GXYLT1: variants seen among roughly 807,000 people sequenced by gnomAD.
GXYLT1 encodes the protein glycosyltransferase 8 domain containing 3.
A neutral mutation model predicts 54.0 loss-of-function variants in GXYLT1; 29 were observed. The ratio of observed to expected loss-of-function variants is 0.54; its 90% CI spans 0.40 to 0.73. GXYLT1 has a LOEUF of 0.73. Ranked by LOEUF, GXYLT1 falls within the 30% of genes least tolerant of loss-of-function variation. The pLI, the probability that GXYLT1 is intolerant of heterozygous loss-of-function variation, is 0.00. For synonymous variants in GXYLT1, 176 were observed against 204.1 expected (o/e 0.86, Z 1.17); for missense variants, 490 against 553.4 (o/e 0.89, Z 1.15).
chr12:42,098,800 A>T (rs1322348508), intron 5 of GXYLT1, among the ~76,000 whole-genome samples: 1 of 94,452 alleles, frequency 1.1e-5, no homozygotes, highest in East Asian at 3.7e-4. Context: ...ATGTGTGTGT[A>T]TATATACATG....
intron 2 of GXYLT1, 86 bp downstream of exon 2, chr12:42,129,673 C>T (rs1178099397): frequency 1.3e-6 from 1 of 764,078 alleles, no homozygotes; most frequent in Non-Finnish European, 2.2e-6. Context: ...TCATAAGAAA[C>T]ATTCTTACAT....
intron 3 of GXYLT1, 121 bp downstream of exon 3, chr12:42,118,879 A>C (rs1242690534): frequency 8.1e-6 from 6 of 736,880 alleles, no homozygotes; most frequent in African/African-American, 1.8e-5. Context: ...TTTTCTTTAT[A>C]AATTACCAAG....
intron 2 of GXYLT1, 46 bp downstream of exon 2, chr12:42,129,713 C>G (rs747962674): frequency 8.6e-7 from 1 of 1,169,086 alleles, no homozygotes; most frequent in East Asian, 2.3e-5. Flanking sequence ...TATCAACTAT[C>G]TAACCTTATC....
rs2065282544 is a variant in GXYLT1 at position 42,085,206 on chromosome 12, A to G, written c.*2580T>C. On this transcript the variant is annotated 3_prime_UTR_variant, in exon 8 of 8. Coordinates refer to ENST00000398675, the MANE Select transcript of GXYLT1 (RefSeq NM_173601.2). ...TAGGTAGAAACAGTACCCAAAAGAC[A>G]GTTTTCACTATAATTCAATTTATGG... The G allele has an allele frequency of 2.0e-5, 3 of 152,060 alleles. No homozygotes were observed. In the South Asian group the frequency reaches 6.2e-4, roughly 32 times the overall value. 9.4% of individuals were successfully genotyped at this position (152,060 alleles called of 1,614,324 possible). A position where few individuals can be genotyped will look rare whatever the true frequency, so the allele number is the denominator to read the frequency against.
At chr12:42,097,826 A>G (rs1409814820) in intron 6 of GXYLT1, 84 bp downstream of exon 6, 2 of 1,118,614 alleles carry the variant, frequency 1.8e-6, no homozygotes, top group African/African-American at 3.2e-5. Flanking sequence ...TATAAGACAG[A>G]ATCAGATAAG....
intron 3 of GXYLT1, among the ~76,000 whole-genome samples, chr12:42,110,747 T>C (rs2065448519): frequency 6.6e-6 from 1 of 152,220 alleles, no homozygotes; most frequent in South Asian, 2.1e-4. Flanking sequence ...ACTAGCACTG[T>C]CATTTCCCTG....
chr12:42,111,580 G>C (rs1398561590), intron 3 of GXYLT1, among the ~76,000 whole-genome samples: 1 of 152,230 alleles, frequency 6.6e-6, no homozygotes, highest in East Asian at 1.9e-4. Context: ...CCAGGCTGGA[G>C]GCGGGGCGCC....
At chr12:42,110,748 C>A (rs2065448536) in intron 3 of GXYLT1, among the ~76,000 whole-genome samples, 1 of 152,216 alleles carries the variant, frequency 6.6e-6, no homozygotes, top group Non-Finnish European at 1.5e-5. Flanking sequence ...CTAGCACTGT[C>A]ATTTCCCTGC....
intron 1 of GXYLT1, among the ~76,000 whole-genome samples, chr12:42,136,097 C>A (rs1421787360): frequency 6.6e-6 from 1 of 152,052 alleles, no homozygotes; most frequent in Non-Finnish European, 1.5e-5. Flanking sequence ...TTTTTTAACT[C>A]CCAAATATCT....
At chr12:42,113,242 G>C (rs1018831919) in intron 3 of GXYLT1, among the ~76,000 whole-genome samples, 3 of 151,128 alleles carry the variant, frequency 2.0e-5, no homozygotes, top group East Asian at 1.9e-4. Flanking sequence ...AAAATAACCA[G>C]CTAACATCGT....
At position 42,105,984 on chromosome 12, in the gene GXYLT1, A is replaced by T; in HGVS notation, c.698T>A (p.Leu233Gln). The T allele has an allele frequency of 1.2e-6, 2 of 1,613,826 alleles. No individual in the cohort carries two copies. The highest frequency in any genetic ancestry group is 1.7e-6 in the Non-Finnish European group (2 of 1,179,712). ...LRPVDDIWSL[L>Q]KKFNSTQIAA... The stretch of plus-strand genomic sequence containing the variant: ...AATTTGTGTGGAATTAAATTTCTTT[A>T]GTAAAGACCAAATATCATCAACTGG... Residue 233 changes from leucine (L) to glutamine (Q), a missense_variant, in exon 5 of 8, where the codon CTA becomes CAA. Leu to Gln is a moderately radical substitution (Grantham distance 113). Transcript: ENST00000398675.
At chr12:42,139,554 A>T (rs1490510894) in intron 1 of GXYLT1, among the ~76,000 whole-genome samples, 1 of 152,136 alleles carries the variant, frequency 6.6e-6, no homozygotes, top group East Asian at 1.9e-4. Flanking sequence ...GAACCAGGAA[A>T]TGGGTCCTCA....
chr12:42,110,950 A>G (rs564738681), intron 3 of GXYLT1, among the ~76,000 whole-genome samples: 1 of 152,258 alleles, frequency 6.6e-6, no homozygotes, highest in Non-Finnish European at 1.5e-5. Flanking sequence ...ACTAAGTTCA[A>G]AAATATAGTA....
chr12:42,087,876 A>G lies in GXYLT1; in HGVS notation c.1233T>C (p.His411=). ...TTTTGTAAATTTTTCCACAGTATGT[A>G]TGCACTGTTTTTTGTAGTTCCAGTT... is the stretch of plus-strand genomic sequence containing the variant. The part of the protein sequence containing the change: ...PLELELQKTV[H]TYCGKIYKIF... Residue 411 remains histidine (H), a synonymous_variant, in exon 8 of 8, where the codon CAT becomes CAC. Transcript: ENST00000398675. 1.3e-6 allele frequency: 2 copies of G among 1,596,600 alleles called. No individual in the cohort carries two copies. The highest frequency in any genetic ancestry group is 1.7e-6 in the Non-Finnish European group (2 of 1,167,298).
chr12:42,108,280 T>C (rs1454250245), intron 4 of GXYLT1, among the ~76,000 whole-genome samples: 1 of 152,216 alleles, frequency 6.6e-6, no homozygotes, highest in African/African-American at 2.4e-5. Flanking sequence ...CATAACAAAA[T>C]GGCAGAGAAA....
rs1409464791 is a variant in GXYLT1, at chr12:42,087,562, G to A, written c.*224C>T. 2.2e-6 allele frequency: 1 copy of A among 445,102 alleles called. No homozygotes were observed. Among genetic ancestry groups the A allele is most frequent in the Non-Finnish European group, 4.0e-6 (1 of 251,230 alleles). The allele number at this position is 445,102 out of a possible 1,614,324, so 27.6% of individuals were successfully genotyped here. On this transcript the variant is annotated 3_prime_UTR_variant, in exon 8 of 8. Transcript: ENST00000398675. Reference sequence around the variant, plus strand: ...TTCATCAATACTGGAATGATAGCAAGTAACATTACAAAACATCAGAGATAA... The same window carrying A: ...TTCATCAATACTGGAATGATAGCAAATAACATTACAAAACATCAGAGATAA...
At chr12:42,118,915 T>G (rs2065512834) in intron 3 of GXYLT1, 85 bp downstream of exon 3, 1 of 994,084 alleles carries the variant, frequency 1.0e-6, no homozygotes, top group Non-Finnish European at 1.4e-6. Flanking sequence ...TCTAGCAATG[T>G]GAACAGACTA....
At chr12:42,142,141 G>A (rs2065655416) in intron 1 of GXYLT1, among the ~76,000 whole-genome samples, 1 of 152,118 alleles carries the variant, frequency 6.6e-6, no homozygotes, top group South Asian at 2.1e-4. Context: ...TTGCCCCATA[G>A]CCCCATTGCC....
At chr12:42,134,316 T>A (rs983824830) in intron 1 of GXYLT1, among the ~76,000 whole-genome samples, 1 of 152,120 alleles carries the variant, frequency 6.6e-6, no homozygotes. Flanking sequence ...CTAATAATTA[T>A]GGTTCTTTTT....
Sources: allele counts gnomAD v4.1 joint callset (sites outside exome capture counted in the v4.1 genomes callset), GRCh38; gene constraint gnomAD v4.1.1; transcripts MANE v1.5; gene names NCBI Gene and HGNC (gene_info 2026-07-23, HGNC 2026-07-21).